LRFN5: variants seen among roughly 807,000 people sequenced by gnomAD.
LRFN5 encodes leucine-rich repeat and fibronectin type-III domain-containing protein 5.
A neutral mutation model predicts 45.6 loss-of-function variants in LRFN5; 24 were observed. That is an observed-to-expected ratio of 0.53 (90% CI 0.38 to 0.74). LRFN5 has a LOEUF of 0.74. LRFN5 is among the 30% of genes least tolerant of loss of function. LRFN5 has a pLI of 0.00. For missense variants in LRFN5, 776 were observed against 861.5 expected, an observed-to-expected ratio of 0.90 and a Z score of 1.24; for synonymous variants, 340 against 313.8, an observed-to-expected ratio of 1.08 and a Z score of -0.88.
intron 1 of LRFN5, among the ~76,000 whole-genome samples, chr14:41,681,500 G>A (rs916787451): frequency 6.6e-6 from 1 of 151,640 alleles, no homozygotes; most frequent in Non-Finnish European, 1.5e-5. Context: ...AAAACCAAAC[G>A]GAACAAAAAA....
At chr14:41,857,588 G>A (rs1413082343) in intron 2 of LRFN5, among the ~76,000 whole-genome samples, 5 of 152,072 alleles carry the variant, frequency 3.3e-5, no homozygotes, top group Admixed American at 1.3e-4. Context: ...GTATTTGTTC[G>A]TTCATTCTTA....
At chr14:41,768,403 T>C (rs936425990) in intron 2 of LRFN5, among the ~76,000 whole-genome samples, 1 of 152,156 alleles carries the variant, frequency 6.6e-6, no homozygotes, top group East Asian at 1.9e-4. Flanking sequence ...AGTATGCAGA[T>C]TGATTCATTC....
At chr14:41,669,554 A>G (rs994295956) in intron 1 of LRFN5, among the ~76,000 whole-genome samples, 1 of 151,986 alleles carries the variant, frequency 6.6e-6, no homozygotes, top group African/African-American at 2.4e-5. Context: ...TGTCTGTTGG[A>G]TTGATAAGCA....
At chr14:41,823,315 G>T (rs1888187295) in intron 2 of LRFN5, among the ~76,000 whole-genome samples, 1 of 151,834 alleles carries the variant, frequency 6.6e-6, no homozygotes, top group African/African-American at 2.4e-5. Flanking sequence ...ATCATTTATT[G>T]TAGGGCTGAT....
intron 1 of LRFN5, among the ~76,000 whole-genome samples, chr14:41,647,417 G>T (rs1879869142): frequency 6.6e-6 from 1 of 152,100 alleles, no homozygotes; most frequent in Non-Finnish European, 1.5e-5. Context: ...AAATAACATG[G>T]CTAGTAAAAT....
At chr14:41,760,172 AG>A (rs920098085) in intron 1 of LRFN5, among the ~76,000 whole-genome samples, 2 of 152,200 alleles carry the variant, frequency 1.3e-5, no homozygotes, top group African/African-American at 4.8e-5. Context: ...AATACGGAAA[AG>A]TTCAGTTAAC....
At chr14:41,857,076 C>A (rs541877458) in intron 2 of LRFN5, among the ~76,000 whole-genome samples, 1 of 151,734 alleles carries the variant, frequency 6.6e-6, no homozygotes, top group Admixed American at 6.6e-5. Context: ...TTTTGCAATT[C>A]TTTCTTTCCT....
chr14:41,836,864 C>A (rs1336824864), intron 2 of LRFN5, among the ~76,000 whole-genome samples: 3 of 151,932 alleles, frequency 2.0e-5, no homozygotes, highest in African/African-American at 7.3e-5. Context: ...TCAGCCTGTG[C>A]TTTCCTAAGG....
intron 2 of LRFN5, among the ~76,000 whole-genome samples, chr14:41,788,606 A>G (rs1415539218): frequency 6.6e-6 from 1 of 152,106 alleles, no homozygotes; most frequent in Non-Finnish European, 1.5e-5. Flanking sequence ...AAGAATAACC[A>G]CTGAAGACAA....
intron 2 of LRFN5, among the ~76,000 whole-genome samples, chr14:41,799,039 G>A (rs1887233067): frequency 6.6e-6 from 1 of 151,596 alleles, no homozygotes; most frequent in Non-Finnish European, 1.5e-5. Context: ...TTGGTCTCTG[G>A]TTTTCCTTAG....
intron 2 of LRFN5, among the ~76,000 whole-genome samples, chr14:41,803,211 A>G (rs1887398911): frequency 6.6e-6 from 1 of 152,204 alleles, no homozygotes; most frequent in Admixed American, 6.5e-5. Flanking sequence ...AGTATTTGTC[A>G]TTAAGATTCT....
At chr14:41,706,987 G>C (rs1380281089) in intron 1 of LRFN5, among the ~76,000 whole-genome samples, 5 of 152,096 alleles carry the variant, frequency 3.3e-5, no homozygotes, top group African/African-American at 1.2e-4. Flanking sequence ...TACATCCCTG[G>C]CATGTAGAGA....
intron 1 of LRFN5, among the ~76,000 whole-genome samples, chr14:41,710,960 A>G (rs1334246384): frequency 7.0e-6 from 1 of 143,776 alleles, no homozygotes; most frequent in East Asian, 1.9e-4. Flanking sequence ...TTATGGCTGC[A>G]TAGTATTCCA....
chr14:41,636,876 T>C (rs955062115), intron 1 of LRFN5, among the ~76,000 whole-genome samples: 14 of 152,138 alleles, frequency 9.2e-5, no homozygotes, highest in African/African-American at 2.9e-4. Flanking sequence ...CAGGCCCCAC[T>C]TGCACCAGAG....
intron 1 of LRFN5, among the ~76,000 whole-genome samples, chr14:41,620,988 A>G (rs1450894616): frequency 6.6e-6 from 1 of 151,920 alleles, no homozygotes; most frequent in Admixed American, 6.6e-5. Flanking sequence ...AAAAATATTG[A>G]TTTTGGAATG....
At chr14:41,667,711 A>G (rs1043439812) in intron 1 of LRFN5, among the ~76,000 whole-genome samples, 1 of 152,084 alleles carries the variant, frequency 6.6e-6, no homozygotes, top group African/African-American at 2.4e-5. Flanking sequence ...ATTAGCCAGT[A>G]TCTGTTAATG....
intron 1 of LRFN5, among the ~76,000 whole-genome samples, chr14:41,756,371 G>A (rs1885382450): frequency 6.6e-6 from 1 of 152,152 alleles, no homozygotes; most frequent in African/African-American, 2.4e-5. Context: ...TTCCAACTTG[G>A]TTCCATTCTC....
chr14:41,762,236 G>A (rs1033129729), intron 1 of LRFN5, among the ~76,000 whole-genome samples: 10 of 151,278 alleles, frequency 6.6e-5, no homozygotes, highest in African/African-American at 2.4e-4. Flanking sequence ...TATTACAAAT[G>A]CAGTAATAAA....
chr14:41,673,900 A>AT (rs1209389239), intron 1 of LRFN5, among the ~76,000 whole-genome samples: 13 of 122,978 alleles, frequency 1.1e-4, no homozygotes, highest in Non-Finnish European at 1.9e-4. Context: ...TGGGGGACTG[A>AT]TCCCCCCACC....
Sources: allele counts gnomAD v4.1 joint callset (sites outside exome capture counted in the v4.1 genomes callset), GRCh38; gene constraint gnomAD v4.1.1; transcripts MANE v1.5; gene names NCBI Gene and HGNC (gene_info 2026-07-23, HGNC 2026-07-21).